The following MTMR7 variants were observed in gnomAD, a reference collection of about 807,000 sequenced individuals.
The protein encoded by MTMR7 is phosphatidylinositol-3-phosphate phosphatase MTMR7.
In MTMR7, 76 loss-of-function variants were observed where a neutral mutation model predicts 81.2. The ratio of observed to expected loss-of-function variants is 0.94; its 90% CI spans 0.78 to 1.13. The LOEUF is 1.13. MTMR7 is among the 50% of genes most tolerant of loss of function. MTMR7 has a pLI of 0.00. For synonymous variants in MTMR7, 372 were observed against 289.8 expected (o/e 1.28, Z -2.88); for missense variants, 1,044 against 820.0 (o/e 1.27, Z -3.34).
chr8:17,367,841 C>T (rs1283866810), intron 3 of MTMR7, among the ~76,000 whole-genome samples: 1 of 151,172 alleles, frequency 6.6e-6, no homozygotes, highest in Non-Finnish European at 1.5e-5. Context: ...CCCCACCCTT[C>T]GCATTCTGCT....
At chr8:17,352,765 T>C (rs777168883) in intron 4 of MTMR7, among the ~76,000 whole-genome samples, 14 of 152,066 alleles carry the variant, frequency 9.2e-5, no homozygotes, top group Non-Finnish European at 1.3e-4. Context: ...ATGGCCACTA[T>C]TACAAAATGA....
intron 4 of MTMR7, among the ~76,000 whole-genome samples, chr8:17,359,986 A>G (rs1283106255): frequency 6.6e-6 from 1 of 152,212 alleles, no homozygotes. Context: ...GCAAAGGTAT[A>G]GTTACCAGGA....
chr8:17,411,229 A>C (rs1282838755), intron 1 of MTMR7, among the ~76,000 whole-genome samples: 1 of 152,210 alleles, frequency 6.6e-6, no homozygotes. Context: ...TATTTATTAC[A>C]ATATATATTT....
At chr8:17,402,249 G>T (rs1311512981) in intron 1 of MTMR7, among the ~76,000 whole-genome samples, 1 of 151,978 alleles carries the variant, frequency 6.6e-6, no homozygotes, top group African/African-American at 2.4e-5. Context: ...AAACAATCCA[G>T]TTATACTCTT....
At chr8:17,359,676 C>G (rs1820003324) in intron 4 of MTMR7, among the ~76,000 whole-genome samples, 1 of 150,194 alleles carries the variant, frequency 6.7e-6, no homozygotes, top group African/African-American at 2.5e-5. Flanking sequence ...GGTCATTTAT[C>G]AGGAGATAAA....
chr8:17,355,584 A>C (rs1819866657), intron 4 of MTMR7, among the ~76,000 whole-genome samples: 2 of 152,014 alleles, frequency 1.3e-5, no homozygotes, highest in African/African-American at 2.4e-5. Context: ...AAAAAAAAAA[A>C]CAGTATGCTA....
At chr8:17,391,179 G>C (rs1020245007) in intron 1 of MTMR7, among the ~76,000 whole-genome samples, 1 of 152,104 alleles carries the variant, frequency 6.6e-6, no homozygotes. Context: ...ACAAGTAGGA[G>C]ATGAGGTGCC....
At chr8:17,335,305 C>A (rs1819200561) in intron 6 of MTMR7, among the ~76,000 whole-genome samples, 1 of 152,144 alleles carries the variant, frequency 6.6e-6, no homozygotes, top group African/African-American at 2.4e-5. Flanking sequence ...GGAAGATTTA[C>A]TGACCGGCTG....
chr8:17,397,409 T>A lies in MTMR7; in HGVS notation c.24+15860A>T, dbSNP rs573200217. On this transcript the variant is annotated intron_variant, in intron 1 of 13. Transcript: ENST00000180173. ...AGCTGACTGAAGAGCCCTTGGGCTT[T>A]AAGCGAACGTCGGTGGTGGCCTGCA... 1.6e-4 allele frequency among the ~76,000 whole-genome samples: 25 copies of A among 152,240 alleles called. No homozygotes were observed. In the East Asian group the frequency reaches 4.3e-3, roughly 26 times the overall value.
chr8:17,391,671 C>T (rs776935435), intron 1 of MTMR7, among the ~76,000 whole-genome samples: 2 of 152,118 alleles, frequency 1.3e-5, no homozygotes, highest in African/African-American at 4.8e-5. Flanking sequence ...TCAACTGTAC[C>T]TTGTTCTAAG....
intron 1 of MTMR7, among the ~76,000 whole-genome samples, chr8:17,385,891 G>A (rs891149336): frequency 6.6e-5 from 10 of 152,054 alleles, no homozygotes; most frequent in East Asian, 1.9e-4. Flanking sequence ...TAAATTACCC[G>A]GTCTCAGATA....
Position 17,304,526 on chromosome 8 carries a change from T to A in MTMR7, c.1353-7A>T. On this transcript the variant is annotated splice_region_variant and splice_polypyrimidine_tract_variant and intron_variant, in intron 11 of 13. Coordinates refer to ENST00000180173, the MANE Select transcript of MTMR7 (RefSeq NM_004686.5). ...GTATGTTCTTTCTTGAATCCTGTTA[T>A]AAAGAAAATAAGTCTATAAATGACC... 1 of 1,612,496 alleles carries A rather than the reference T, an allele frequency of 6.2e-7. No individual in the cohort carries two copies. Among genetic ancestry groups the A allele is most frequent in the Non-Finnish European group, 8.5e-7 (1 of 1,178,838 alleles).
chr8:17,368,515 G>A (rs896777770), intron 3 of MTMR7, among the ~76,000 whole-genome samples: 5 of 152,114 alleles, frequency 3.3e-5, no homozygotes, highest in African/African-American at 7.2e-5. Flanking sequence ...GGCAGTGGAC[G>A]GTGTCTTTTA....
chr8:17,326,766 G>A (rs999489177), intron 7 of MTMR7, among the ~76,000 whole-genome samples: 6 of 152,142 alleles, frequency 3.9e-5, no homozygotes, highest in African/African-American at 9.7e-5. Flanking sequence ...TGATGAGAAC[G>A]CAGCCCAGCT....
intron 6 of MTMR7, among the ~76,000 whole-genome samples, chr8:17,340,558 AG>A (rs1196571458): frequency 6.6e-6 from 1 of 152,234 alleles, no homozygotes; most frequent in African/African-American, 2.4e-5. Context: ...GGGTCTAAGG[AG>A]AAAAACTGGA....
At chr8:17,325,017 T>G (rs1466754086) in intron 7 of MTMR7, among the ~76,000 whole-genome samples, 1 of 152,078 alleles carries the variant, frequency 6.6e-6, no homozygotes, top group Non-Finnish European at 1.5e-5. Context: ...ATTTGCAATA[T>G]CTACAAAGGG....
chr8:17,368,139 G>C (rs1039789193), intron 3 of MTMR7, among the ~76,000 whole-genome samples: 1 of 151,964 alleles, frequency 6.6e-6, no homozygotes, highest in Non-Finnish European at 1.5e-5. Flanking sequence ...AGATCATCAG[G>C]AGCACACAAC....
At chr8:17,321,421 T>C (rs1266923021) in intron 7 of MTMR7, among the ~76,000 whole-genome samples, 5 of 152,230 alleles carry the variant, frequency 3.3e-5, no homozygotes, top group Non-Finnish European at 5.9e-5. Context: ...AGCATTAACA[T>C]TGCGTGTGCT....
At chr8:17,357,743 T>C (rs1819939587) in intron 4 of MTMR7, among the ~76,000 whole-genome samples, 1 of 152,182 alleles carries the variant, frequency 6.6e-6, no homozygotes, top group Non-Finnish European at 1.5e-5. Flanking sequence ...CTGCAGACAT[T>C]GATGCTGGAG....
Sources: gnomAD v4.1 joint callset for allele counts (sites outside exome capture counted in the v4.1 genomes callset) on GRCh38, gnomAD v4.1.1 for gene constraint, MANE v1.5 for transcripts, NCBI Gene and HGNC (gene_info 2026-07-23, HGNC 2026-07-21) for gene names.